Variants in CDKAL1 observed in about 807,000 individuals in gnomAD.
CDKAL1 encodes the protein CDKAL1 threonylcarbamoyladenosine tRNA methylthiotransferase, also known as threonylcarbamoyladenosine tRNA methylthiotransferase.
A neutral mutation model predicts 68.2 loss-of-function variants in CDKAL1; 32 were observed. That is an observed-to-expected ratio of 0.47 (90% CI 0.35 to 0.63). The LOEUF (loss-of-function observed/expected upper bound fraction) is 0.63. Ranked by LOEUF, CDKAL1 falls within the 30% of genes least tolerant of loss-of-function variation. The probability of loss-of-function intolerance (pLI) is 0.00; values close to 1 mark genes in which losing one functional copy is unlikely to be tolerated. For synonymous variants in CDKAL1, 234 were observed against 244.3 expected (o/e 0.96, Z 0.39); for missense variants, 606 against 696.7 (o/e 0.87, Z 1.47).
intron 13 of CDKAL1, among the ~76,000 whole-genome samples, chr6:21,188,818 T>C (rs1778122500): frequency 2.0e-5 from 3 of 152,178 alleles, no homozygotes; most frequent in African/African-American, 7.2e-5. Flanking sequence ...CCACAATTTT[T>C]TTTTTTAATT....
intron 9 of CDKAL1, among the ~76,000 whole-genome samples, chr6:20,918,380 T>C (rs1762809795): frequency 6.6e-6 from 1 of 152,218 alleles, no homozygotes; most frequent in East Asian, 1.9e-4. Context: ...TTTTAAGACA[T>C]AGTTGCAAAA....
chr6:20,673,073 G>A (rs1027555306), intron 5 of CDKAL1, among the ~76,000 whole-genome samples: 2 of 152,212 alleles, frequency 1.3e-5, no homozygotes, highest in Non-Finnish European at 2.9e-5. Context: ...CACAGCGCCT[G>A]GCTGGAAATT....
intron 13 of CDKAL1, among the ~76,000 whole-genome samples, chr6:21,128,496 T>G (rs1775130475): frequency 1.3e-5 from 2 of 152,258 alleles, no homozygotes; most frequent in Admixed American, 1.3e-4. Context: ...GAAAATATCA[T>G]CATAATTAAA....
chr6:20,612,729 A>C (rs1766673924), intron 4 of CDKAL1, among the ~76,000 whole-genome samples: 1 of 151,960 alleles, frequency 6.6e-6, no homozygotes, highest in African/African-American at 2.4e-5. Context: ...TGCTGTGCAG[A>C]AGCTTTTTAG....
intron 7 of CDKAL1, among the ~76,000 whole-genome samples, chr6:20,761,169 G>A (rs538224470): frequency 3.3e-5 from 5 of 152,196 alleles, no homozygotes; most frequent in African/African-American, 7.2e-5. Flanking sequence ...GTTTGACATC[G>A]TATGTCTGTC....
chr6:21,058,894 G>A lies in CDKAL1; in HGVS notation c.1056-6154G>A, dbSNP rs115377775. On this transcript the variant is annotated intron_variant, in intron 11 of 15. Transcript: ENST00000274695. ...GGGTCTCACCTAGTCAGGAAGCACAGGATCGGAGACCTGCTTAATGAAGCA... is the reference window on the plus strand; with the variant it reads ...GGGTCTCACCTAGTCAGGAAGCACAAGATCGGAGACCTGCTTAATGAAGCA... Among the ~76,000 whole-genome samples, 1,459 of 152,344 alleles carry A rather than the reference G, an allele frequency of 9.6e-3. 25 individuals are homozygous for A. Among genetic ancestry groups the A allele is most frequent in the African/African-American group, 0.033 (1,388 of 41,582 alleles).
intron 4 of CDKAL1, among the ~76,000 whole-genome samples, chr6:20,586,719 C>A (rs887195264): frequency 6.6e-6 from 1 of 152,128 alleles, no homozygotes; most frequent in Non-Finnish European, 1.5e-5. Context: ...TACTTCAGAT[C>A]CGGCTAGTGC....
At chr6:20,850,542 A>G (rs1239417527) in intron 9 of CDKAL1, among the ~76,000 whole-genome samples, 1 of 151,978 alleles carries the variant, frequency 6.6e-6, no homozygotes, top group Non-Finnish European at 1.5e-5. Flanking sequence ...GGCTCAAGCA[A>G]TCCTCCCACC....
intron 8 of CDKAL1, among the ~76,000 whole-genome samples, chr6:20,827,180 C>T (rs1042014359): frequency 2.6e-5 from 4 of 152,112 alleles, no homozygotes; most frequent in Admixed American, 6.5e-5. Context: ...GGAGCCAGAC[C>T]GTCTGGATTC....
chr6:20,653,596 C>T (rs533225758), intron 5 of CDKAL1, among the ~76,000 whole-genome samples: 33 of 151,294 alleles, frequency 2.2e-4, no homozygotes, highest in East Asian at 3.9e-4. Flanking sequence ...GGATCACAGG[C>T]GGGCGCCACC....
At chr6:21,016,586 A>G (rs958970677) in intron 11 of CDKAL1, among the ~76,000 whole-genome samples, 4 of 151,568 alleles carry the variant, frequency 2.6e-5, no homozygotes, top group African/African-American at 9.7e-5. Flanking sequence ...ATTTCAGTCA[A>G]TCAATTCTGT....
intron 13 of CDKAL1, among the ~76,000 whole-genome samples, chr6:21,157,380 G>C (rs892845865): frequency 6.6e-6 from 1 of 152,144 alleles, no homozygotes; most frequent in Non-Finnish European, 1.5e-5. Flanking sequence ...TGAAGTGGGA[G>C]GATAGCCTGG....
intron 5 of CDKAL1, among the ~76,000 whole-genome samples, chr6:20,686,207 G>A (rs1315207868): frequency 6.6e-6 from 1 of 150,478 alleles, no homozygotes; most frequent in Non-Finnish European, 1.5e-5. Flanking sequence ...TTCTTGTCTT[G>A]TATTAACTAG....
intron 8 of CDKAL1, among the ~76,000 whole-genome samples, chr6:20,836,016 G>C (rs2150474677): frequency 6.6e-6 from 1 of 151,984 alleles, no homozygotes; most frequent in African/African-American, 2.4e-5. Context: ...CCTTCTCCTG[G>C]CTGTTGTAAA....
chr6:21,053,856 T>C (rs139372522), intron 11 of CDKAL1, among the ~76,000 whole-genome samples: 49 of 152,324 alleles, frequency 3.2e-4, no homozygotes, highest in African/African-American at 9.1e-4. Flanking sequence ...ATAGTTTGGA[T>C]ACAAGTCTTT....
At chr6:20,586,322 T>G (rs1765353253) in intron 4 of CDKAL1, among the ~76,000 whole-genome samples, 1 of 152,184 alleles carries the variant, frequency 6.6e-6, no homozygotes, top group African/African-American at 2.4e-5. Context: ...CAATGCTGTC[T>G]AGTACAACTT....
At chr6:20,738,485 GT>G (rs71712438) in intron 5 of CDKAL1, among the ~76,000 whole-genome samples, 2,460 of 119,602 alleles carry the variant, frequency 0.021, 41 homozygotes, top group African/African-American at 0.066. Flanking sequence ...CTACTTCTTA[GT>G]TTTTTTTTTT....
chr6:20,922,666 A>G (rs551236853), intron 9 of CDKAL1, among the ~76,000 whole-genome samples: 1 of 152,378 alleles, frequency 6.6e-6, no homozygotes, highest in East Asian at 1.9e-4. Context: ...ACCCAAAACA[A>G]CAATCTTCAG....
intron 8 of CDKAL1, among the ~76,000 whole-genome samples, chr6:20,798,917 C>CAAAAAAA (rs200034795): frequency 1.9e-5 from 2 of 103,192 alleles, no homozygotes; most frequent in African/African-American, 3.5e-5. Context: ...TATAATAATA[C>CAAAAAAA]AAAAAAAAAA....
Sources: gnomAD v4.1 joint callset for allele counts (sites outside exome capture counted in the v4.1 genomes callset) on GRCh38, gnomAD v4.1.1 for gene constraint, MANE v1.5 for transcripts, NCBI Gene and HGNC (gene_info 2026-07-23, HGNC 2026-07-21) for gene names.